CFAP299: variants seen among roughly 807,000 people sequenced by gnomAD.
CFAP299 encodes the protein cilia and flagella associated protein 299.
Under a neutral mutation model 27.0 loss-of-function variants are expected in CFAP299, and 21 were observed. The observed-to-expected ratio is 0.78, with a 90% CI of 0.55 to 1.12. CFAP299 has a LOEUF of 1.12. Ranked by LOEUF, CFAP299 falls within the 50% of genes most tolerant of loss-of-function variation. The pLI is 0.00. For synonymous variants in CFAP299, 104 were observed against 98.1 expected, an observed-to-expected ratio of 1.06 and a Z score of -0.36; for missense variants, 310 against 276.6, an observed-to-expected ratio of 1.12 and a Z score of -0.86.
intron 4 of CFAP299, among the ~76,000 whole-genome samples, chr4:80,874,286 C>A (rs528343329): frequency 6.6e-6 from 1 of 152,088 alleles, no homozygotes; most frequent in Non-Finnish European, 1.5e-5. Context: ...ATACTTTGAG[C>A]GAAAACCTAC....
intron 3 of CFAP299, among the ~76,000 whole-genome samples, chr4:80,795,023 G>A (rs1475699174): frequency 1.3e-5 from 2 of 152,114 alleles, no homozygotes; most frequent in Non-Finnish European, 2.9e-5. Context: ...CTTTGTTCAT[G>A]GGCCCATTGG....
At chr4:80,525,837 T>C in intron 2 of CFAP299, among the ~76,000 whole-genome samples, 1 of 152,176 alleles carries the variant, frequency 6.6e-6, no homozygotes, top group East Asian at 1.9e-4. Flanking sequence ...AAATTCTTCC[T>C]CTTAGAATTT....
At chr4:80,744,638 C>G (rs1724481586) in intron 3 of CFAP299, among the ~76,000 whole-genome samples, 1 of 151,732 alleles carries the variant, frequency 6.6e-6, no homozygotes, top group African/African-American at 2.4e-5. Context: ...ACAAGCTCTA[C>G]CCAGCGTACA....
chr4:80,562,595 T>C (rs1051337965), intron 2 of CFAP299, among the ~76,000 whole-genome samples: 4 of 150,864 alleles, frequency 2.7e-5, no homozygotes, highest in Non-Finnish European at 5.9e-5. Flanking sequence ...GAGGTGGAGA[T>C]TGCAGTGAGC....
intron 3 of CFAP299, among the ~76,000 whole-genome samples, chr4:80,747,899 C>T (rs1724711370): frequency 6.6e-6 from 1 of 152,078 alleles, no homozygotes; most frequent in Admixed American, 6.6e-5. Flanking sequence ...TCAGATCAAA[C>T]ATCTTTCTGA....
intron 2 of CFAP299, among the ~76,000 whole-genome samples, chr4:80,470,375 A>G (rs562023866): frequency 4.3e-4 from 66 of 152,182 alleles, no homozygotes; most frequent in Non-Finnish European, 7.2e-4. Context: ...CTTATGTTGT[A>G]TATGACTCTA....
At chr4:80,916,728 G>T (rs1256534949) in intron 4 of CFAP299, among the ~76,000 whole-genome samples, 1 of 151,924 alleles carries the variant, frequency 6.6e-6, no homozygotes, top group Admixed American at 6.6e-5. Context: ...TTATTGCAGG[G>T]ATTATGTAAG....
upstream of CFAP299, among the ~76,000 whole-genome samples, chr4:80,333,232 T>C (rs573845364): frequency 6.6e-6 from 1 of 152,268 alleles, no homozygotes; most frequent in South Asian, 2.1e-4. Context: ...TGTGAGGAAG[T>C]CCAGCGATCT....
At chr4:80,434,896 A>G (rs1164501328) in intron 2 of CFAP299, among the ~76,000 whole-genome samples, 1 of 152,210 alleles carries the variant, frequency 6.6e-6, no homozygotes, top group Non-Finnish European at 1.5e-5. Context: ...ACAAGCTGAG[A>G]CCAAACATTA....
At chr4:80,453,420 G>A (rs1489004795) in intron 2 of CFAP299, among the ~76,000 whole-genome samples, 2 of 152,080 alleles carry the variant, frequency 1.3e-5, no homozygotes, top group Admixed American at 1.3e-4. Context: ...TAGTGTGTAT[G>A]TATCCTGTCT....
intron 3 of CFAP299, among the ~76,000 whole-genome samples, chr4:80,825,799 G>A (rs1165375500): frequency 6.6e-6 from 1 of 151,906 alleles, no homozygotes; most frequent in Non-Finnish European, 1.5e-5. Context: ...GAAGCCATAT[G>A]AAGAAATAAA....
intron 3 of CFAP299, among the ~76,000 whole-genome samples, chr4:80,759,587 A>G (rs1725440355): frequency 6.6e-6 from 1 of 152,206 alleles, no homozygotes; most frequent in Non-Finnish European, 1.5e-5. Context: ...TGGGGAAAAG[A>G]TCAAATTAGT....
chr4:80,523,847 C>A (rs750402689), intron 2 of CFAP299, among the ~76,000 whole-genome samples: 6 of 152,064 alleles, frequency 3.9e-5, no homozygotes, highest in Non-Finnish European at 8.8e-5. Context: ...TTCTATGCGT[C>A]CTGTTTCTGG....
At chr4:80,387,527 G>A (rs1725081966) in intron 2 of CFAP299, 2 of 861,054 alleles carry the variant, frequency 2.3e-6, no homozygotes, top group African/African-American at 1.7e-5. Context: ...CTTGGTAGGG[G>A]CTGGCCCAAC....
rs372646447 is a variant in CFAP299, at chr4:80,959,942, A to G, written c.607-3575A>G. Among the ~76,000 whole-genome samples, 10 of 152,054 alleles carry G rather than the reference A, an allele frequency of 6.6e-5. No individual in the cohort carries two copies. In the South Asian group the frequency reaches 2.1e-3, roughly 32 times the overall value. On this transcript the variant is annotated intron_variant, in intron 5 of 5. Coordinates refer to ENST00000358105, the MANE Select transcript of CFAP299 (RefSeq NM_152770.3). ...CAATAAAATATTAAAAAATAAACAT[A>G]TACATTAACATGGTTGTAAAGAACC...
chr4:80,799,761 A>C (rs1728223241), intron 3 of CFAP299, among the ~76,000 whole-genome samples: 2 of 48,852 alleles, frequency 4.1e-5, no homozygotes, highest in Non-Finnish European at 6.8e-5. Flanking sequence ...TATAATATAT[A>C]AATATATTAT....
At chr4:80,699,457 C>G (rs1457556104) in intron 3 of CFAP299, among the ~76,000 whole-genome samples, 1 of 152,174 alleles carries the variant, frequency 6.6e-6, no homozygotes, top group Non-Finnish European at 1.5e-5. Context: ...CAGGCAGTAC[C>G]AGAAACACCC....
chr4:80,858,900 G>C (rs1386029278), intron 3 of CFAP299, among the ~76,000 whole-genome samples: 1 of 152,104 alleles, frequency 6.6e-6, no homozygotes. Context: ...ATTTGGGGTG[G>C]AGAGTTCTGT....
chr4:80,562,647 G>A (rs900110402), intron 2 of CFAP299, among the ~76,000 whole-genome samples: 3 of 143,250 alleles, frequency 2.1e-5, no homozygotes, highest in African/African-American at 5.3e-5. Flanking sequence ...AATACAGCGA[G>A]ACTCAATTTC....
Sources: allele counts gnomAD v4.1 joint callset (sites outside exome capture counted in the v4.1 genomes callset), GRCh38; gene constraint gnomAD v4.1.1; transcripts MANE v1.5; gene names NCBI Gene and HGNC (gene_info 2026-07-23, HGNC 2026-07-21).